Variants in PTPRR observed in about 807,000 individuals in gnomAD.
The protein encoded by PTPRR is protein tyrosine phosphatase receptor type R, also known as receptor-type tyrosine-protein phosphatase R.
A neutral mutation model predicts 77.2 loss-of-function variants in PTPRR; 38 were observed. The observed-to-expected ratio is 0.49, with a 90% confidence interval of 0.38 to 0.65. PTPRR has a LOEUF of 0.65. Among genes scored for constraint, PTPRR ranks in the 30% least tolerant of loss-of-function variants. The pLI is 0.00. For synonymous variants in PTPRR, 299 were observed against 283.1 expected (o/e 1.06, Z -0.57); for missense variants, 744 against 799.2 (o/e 0.93, Z 0.83).
intron 13 of PTPRR, among the ~76,000 whole-genome samples, chr12:70,652,258 G>A (rs936002308): frequency 2.6e-5 from 4 of 152,120 alleles, no homozygotes; most frequent in Admixed American, 2.6e-4. Flanking sequence ...TTTAAAATGA[G>A]GTATGATAGG....
At chr12:70,820,179 G>T (rs992766498) in intron 2 of PTPRR, among the ~76,000 whole-genome samples, 1 of 152,176 alleles carries the variant, frequency 6.6e-6, no homozygotes, top group African/African-American at 2.4e-5. Flanking sequence ...CCATAATAAT[G>T]ACTTGCTTAA....
intron 2 of PTPRR, among the ~76,000 whole-genome samples, chr12:70,886,708 T>C (rs1209809956): frequency 2.6e-5 from 4 of 152,220 alleles, no homozygotes; most frequent in Non-Finnish European, 5.9e-5. Context: ...AGTGTTAAAA[T>C]TGCATATTCA....
intron 6 of PTPRR, among the ~76,000 whole-genome samples, chr12:70,741,833 G>A (rs1336028759): frequency 1.3e-5 from 2 of 152,132 alleles, no homozygotes; most frequent in Non-Finnish European, 2.9e-5. Context: ...CCCTCAATAG[G>A]AGGACTGTGA....
chr12:70,895,585 A>T (rs1040376575), intron 1 of PTPRR, among the ~76,000 whole-genome samples: 3 of 151,562 alleles, frequency 2.0e-5, no homozygotes, highest in African/African-American at 7.3e-5. Flanking sequence ...TAAGAAAAAA[A>T]ATTTCATAGT....
chr12:70,646,187 T>C (rs17108509), intron 13 of PTPRR, among the ~76,000 whole-genome samples: 4,842 of 152,268 alleles, frequency 0.032, 118 homozygotes, highest in South Asian at 0.11. Flanking sequence ...TTCCAAGAGC[T>C]TGGGCATGAG....
At chr12:70,673,597 G>A (rs924210044) in intron 10 of PTPRR, among the ~76,000 whole-genome samples, 1 of 152,082 alleles carries the variant, frequency 6.6e-6, no homozygotes, top group African/African-American at 2.4e-5. Flanking sequence ...ATAAATTATG[G>A]TGCTATGTTG....
intron 2 of PTPRR, among the ~76,000 whole-genome samples, chr12:70,882,978 A>G (rs1204796746): frequency 6.6e-6 from 1 of 152,160 alleles, no homozygotes; most frequent in African/African-American, 2.4e-5. Context: ...CCTCCCATTT[A>G]AAAGATAATG....
intron 10 of PTPRR, among the ~76,000 whole-genome samples, chr12:70,671,741 G>T (rs1247988486): frequency 6.6e-6 from 1 of 152,232 alleles, no homozygotes; most frequent in Non-Finnish European, 1.5e-5. Flanking sequence ...AGAGCTCTGA[G>T]CATCATAGGT....
chr12:70,847,472 A>G (rs1892504734), intron 2 of PTPRR, among the ~76,000 whole-genome samples: 1 of 152,146 alleles, frequency 6.6e-6, no homozygotes, highest in African/African-American at 2.4e-5. Flanking sequence ...ATTGCAGGAA[A>G]CTTGGAAATT....
chr12:70,694,656 G>C (rs1026831559), intron 8 of PTPRR, among the ~76,000 whole-genome samples: 1 of 152,034 alleles, frequency 6.6e-6, no homozygotes, highest in Non-Finnish European at 1.5e-5. Flanking sequence ...TCCAAAAAAA[G>C]GGAGGGAGGG....
At chr12:70,880,684 A>G (rs550795997) in intron 2 of PTPRR, among the ~76,000 whole-genome samples, 1 of 152,118 alleles carries the variant, frequency 6.6e-6, no homozygotes, top group Non-Finnish European at 1.5e-5. Flanking sequence ...AAATTAAATA[A>G]TTTTTTTGAA....
chr12:70,776,542 T>G (rs369102225), intron 2 of PTPRR, among the ~76,000 whole-genome samples: 153 of 152,294 alleles, frequency 1.0e-3, no homozygotes, highest in African/African-American at 3.6e-3. Context: ...AAATTTGCCC[T>G]GTCCTTCCAG....
intron 1 of PTPRR, among the ~76,000 whole-genome samples, chr12:70,918,789 G>T (rs1373101711): frequency 6.6e-6 from 1 of 152,136 alleles, no homozygotes; most frequent in Admixed American, 6.5e-5. Flanking sequence ...TTTCTGTAAT[G>T]AATGTTTGTG....
chr12:70,701,099 A>C lies in PTPRR; in HGVS notation c.1194+38T>G, dbSNP rs757996433. 2.5e-6 allele frequency: 4 copies of C among 1,608,550 alleles called. No individual in the cohort carries two copies. The Admixed American group carries it at 6.7e-5, about 27-fold the overall frequency. ...CGTCTCTAGTGCCCCATGTATCAAA[A>C]TACCGACTGAAGAGTGAACAATAAA... On this transcript the variant is annotated intron_variant, in intron 7 of 13. Coordinates refer to ENST00000283228, the MANE Select transcript of PTPRR (RefSeq NM_002849.4).
intron 6 of PTPRR, 33 bp downstream of exon 6, chr12:70,745,785 G>A (rs1387425042): frequency 6.3e-7 from 1 of 1,577,818 alleles, no homozygotes; most frequent in Admixed American, 2.0e-5. Context: ...TTTATAAAAA[G>A]CCACACGTAG....
At chr12:70,702,438 T>C (rs1264362245) in intron 6 of PTPRR, among the ~76,000 whole-genome samples, 1 of 152,096 alleles carries the variant, frequency 6.6e-6, no homozygotes, top group East Asian at 1.9e-4. Context: ...CAGGCCAAAA[T>C]ATGTGAGAGT....
At chr12:70,654,494 C>A (rs1019942264) in intron 13 of PTPRR, among the ~76,000 whole-genome samples, 12 of 152,118 alleles carry the variant, frequency 7.9e-5, no homozygotes, top group African/African-American at 2.7e-4. Context: ...ATGATCACGC[C>A]ACTGCACTCC....
chr12:70,891,290 A>C (rs1893331627), intron 2 of PTPRR, among the ~76,000 whole-genome samples: 1 of 152,148 alleles, frequency 6.6e-6, no homozygotes, highest in South Asian at 2.1e-4. Flanking sequence ...AGCCTCTTGA[A>C]CTGTAATTCA....
intron 6 of PTPRR, 151 bp from the exon 7 acceptor site, chr12:70,701,474 G>A: frequency 1.6e-6 from 1 of 638,462 alleles, no homozygotes; most frequent in Non-Finnish European, 2.6e-6. Context: ...GTTGGCCATA[G>A]CAACTACCCA....
Sources: gnomAD v4.1 joint callset for allele counts (sites outside exome capture counted in the v4.1 genomes callset) on GRCh38, gnomAD v4.1.1 for gene constraint, MANE v1.5 for transcripts, NCBI Gene and HGNC (gene_info 2026-07-23, HGNC 2026-07-21) for gene names.